Variants in LARGE1 observed in about 807,000 individuals in gnomAD.
LARGE1 encodes the protein xylosyl- and glucuronyltransferase LARGE1.
LARGE1 carries 43 observed loss-of-function variants against 87.6 expected under a neutral mutation model. That is an observed-to-expected ratio of 0.49 (90% CI 0.38 to 0.63). The LOEUF (loss-of-function observed/expected upper bound fraction) is 0.63. Ranked by LOEUF, LARGE1 falls within the 30% of genes least tolerant of loss-of-function variation. The pLI, the probability that LARGE1 is intolerant of heterozygous loss-of-function variation, is 0.00. For synonymous variants in LARGE1, 434 were observed against 394.6 expected, an observed-to-expected ratio of 1.10 and a Z score of -1.18; for missense variants, 802 against 1,000.2, an observed-to-expected ratio of 0.80 and a Z score of 2.67.
chr22:33,112,448 G>A, the LARGE1 span, among the ~76,000 whole-genome samples: 25 of 152,308 alleles, frequency 1.6e-4, no homozygotes, highest in East Asian at 2.1e-3. Flanking sequence ...CATCGTATGC[G>A]CTGGCAAGAT....
At chr22:33,171,467 C>T (rs1166187102) in intron 11 of LARGE1, among the ~76,000 whole-genome samples, 1 of 152,240 alleles carries the variant, frequency 6.6e-6, no homozygotes, top group Non-Finnish European at 1.5e-5. Context: ...CCTCCCATCA[C>T]AGGCCTAGAT....
intron 6 of LARGE1, among the ~76,000 whole-genome samples, chr22:33,514,877 A>G (rs2071226343): frequency 6.6e-6 from 1 of 152,292 alleles, no homozygotes; most frequent in East Asian, 1.9e-4. Flanking sequence ...TAGTGACCTA[A>G]GCTCACTGAG....
intron 11 of LARGE1, among the ~76,000 whole-genome samples, chr22:33,204,846 T>C (rs1052431007): frequency 1.3e-4 from 20 of 152,092 alleles, no homozygotes; most frequent in Admixed American, 5.2e-4. Context: ...AAGGGTTCTG[T>C]TGAAAGTATC....
chr22:33,362,959 C>G (rs2064441327), intron 9 of LARGE1, among the ~76,000 whole-genome samples: 1 of 150,132 alleles, frequency 6.7e-6, no homozygotes, highest in Non-Finnish European at 1.5e-5. Context: ...GATAATACAG[C>G]ACTCAATTAG....
intron 6 of LARGE1, among the ~76,000 whole-genome samples, chr22:33,551,901 G>A (rs1012645532): frequency 4.6e-5 from 7 of 150,692 alleles, no homozygotes; most frequent in Admixed American, 6.6e-5. Context: ...GGCTGAGGCA[G>A]GAGAATGGTG....
At chr22:33,354,249 G>A (rs545624130) in intron 9 of LARGE1, among the ~76,000 whole-genome samples, 19 of 152,300 alleles carry the variant, frequency 1.2e-4, no homozygotes, top group Admixed American at 9.1e-4. Context: ...TGTTTCCATC[G>A]TTATGGGATT....
At chr22:33,114,309 T>C in the LARGE1 span, among the ~76,000 whole-genome samples, 1 of 152,180 alleles carries the variant, frequency 6.6e-6, no homozygotes. Flanking sequence ...AGCAGTAGTA[T>C]TTCTATCCTG....
chr22:33,527,394 A>G (rs544459551), intron 6 of LARGE1, among the ~76,000 whole-genome samples: 1 of 152,320 alleles, frequency 6.6e-6, no homozygotes, highest in South Asian at 2.1e-4. Context: ...TACCACGTGG[A>G]AGGAGCTCAA....
intron 1 of LARGE1, among the ~76,000 whole-genome samples, chr22:33,784,567 T>G (rs73170587): frequency 6.6e-6 from 1 of 152,108 alleles, no homozygotes; most frequent in Non-Finnish European, 1.5e-5. Flanking sequence ...TTTAAACCAG[T>G]TCAGAGTTTA....
At chr22:33,266,983 T>C (rs945349058) in intron 11 of LARGE1, among the ~76,000 whole-genome samples, 4 of 151,772 alleles carry the variant, frequency 2.6e-5, no homozygotes, top group African/African-American at 9.7e-5. Flanking sequence ...TTCATGCCTG[T>C]AATCCCAGCA....
At chr22:33,674,593 A>C (rs934811960) in intron 2 of LARGE1, among the ~76,000 whole-genome samples, 5 of 152,142 alleles carry the variant, frequency 3.3e-5, no homozygotes, top group African/African-American at 1.2e-4. Context: ...TCAGTGCCCC[A>C]GGTATGGCAA....
chr22:33,370,166 A>T (rs1601610569), intron 9 of LARGE1, among the ~76,000 whole-genome samples: 1 of 152,188 alleles, frequency 6.6e-6, no homozygotes. Flanking sequence ...TCTTGAGGTC[A>T]GAACAGTAAT....
chr22:33,369,111 C>T (rs917583033), intron 9 of LARGE1, among the ~76,000 whole-genome samples: 2 of 152,218 alleles, frequency 1.3e-5, no homozygotes, highest in Non-Finnish European at 2.9e-5. Context: ...TTCTTACCTA[C>T]AATAGAACTT....
At chr22:33,497,831 T>C (rs757179515) in intron 6 of LARGE1, among the ~76,000 whole-genome samples, 2 of 152,202 alleles carry the variant, frequency 1.3e-5, no homozygotes, top group Non-Finnish European at 2.9e-5. Flanking sequence ...TCTCAGTTCA[T>C]CTACACTGTA....
chr22:33,425,001 C>T (rs1601792821), intron 7 of LARGE1, among the ~76,000 whole-genome samples: 1 of 152,046 alleles, frequency 6.6e-6, no homozygotes, highest in South Asian at 2.1e-4. Flanking sequence ...CGGCAGCTCA[C>T]GCCTGTAATC....
At chr22:33,191,661 G>A (rs1220901204) in intron 11 of LARGE1, among the ~76,000 whole-genome samples, 2 of 152,220 alleles carry the variant, frequency 1.3e-5, no homozygotes, top group African/African-American at 4.8e-5. Flanking sequence ...CTGGCAAGGT[G>A]AGCACAGACA....
chr22:33,429,757 A>C, intron 7 of LARGE1, among the ~76,000 whole-genome samples: 1 of 152,056 alleles, frequency 6.6e-6, no homozygotes, highest in East Asian at 1.9e-4. Flanking sequence ...CACCTCCATG[A>C]AAGCTTGGAG....
At chr22:33,709,495 C>A (rs1016521525) in intron 2 of LARGE1, among the ~76,000 whole-genome samples, 3 of 152,210 alleles carry the variant, frequency 2.0e-5, no homozygotes, top group Non-Finnish European at 2.9e-5. Context: ...CACGCCAAGA[C>A]TGCACTTGGA....
chr22:33,799,278 T>C (rs1827572261), intron 1 of LARGE1, among the ~76,000 whole-genome samples: 1 of 152,090 alleles, frequency 6.6e-6, no homozygotes, highest in African/African-American at 2.4e-5. Flanking sequence ...GGCATACCAC[T>C]GCCCACTGTT....
Sources: gnomAD v4.1 joint callset for allele counts (sites outside exome capture counted in the v4.1 genomes callset) on GRCh38, gnomAD v4.1.1 for gene constraint, MANE v1.5 for transcripts, NCBI Gene and HGNC (gene_info 2026-07-23, HGNC 2026-07-21) for gene names.